Variants in SASH1 observed in about 807,000 individuals in gnomAD.
SASH1 encodes the protein SAM and SH3 domain-containing protein 1.
Under a neutral mutation model 125.2 loss-of-function variants are expected in SASH1, and 44 were observed. The ratio of observed to expected loss-of-function variants is 0.35; its 90% CI spans 0.28 to 0.45. SASH1 has a LOEUF of 0.45. SASH1 is among the 20% of genes least tolerant of loss of function. The probability of loss-of-function intolerance (pLI) is 1.00; values close to 1 mark genes in which losing one functional copy is unlikely to be tolerated. For synonymous variants in SASH1, 639 were observed against 649.1 expected, an observed-to-expected ratio of 0.98 and a Z score of 0.24; for missense variants, 1,426 against 1,614.5, an observed-to-expected ratio of 0.88 and a Z score of 2.00.
intron 1 of SASH1, among the ~76,000 whole-genome samples, chr6:148,357,466 T>G (rs1457149175): frequency 2.6e-5 from 4 of 152,050 alleles, no homozygotes; most frequent in Non-Finnish European, 5.9e-5. Flanking sequence ...TTGAGCAGAG[T>G]TTGATGGTAA....
chr6:148,360,963 G>A (rs1782177997), intron 1 of SASH1, among the ~76,000 whole-genome samples: 1 of 152,292 alleles, frequency 6.6e-6, no homozygotes, highest in Non-Finnish European at 1.5e-5. Context: ...TCATTAGGGT[G>A]GGCCCTAGTC....
the SASH1 span, among the ~76,000 whole-genome samples, chr6:148,196,413 T>C: frequency 6.6e-6 from 1 of 152,166 alleles, no homozygotes; most frequent in Non-Finnish European, 1.5e-5. Context: ...GCACGAACCA[T>C]ATATGAAAGT....
intron 4 of SASH1, among the ~76,000 whole-genome samples, chr6:148,464,287 G>T (rs12664363): frequency 0.13 from 19,794 of 152,152 alleles, 1,386 homozygotes; most frequent in East Asian, 0.19. Context: ...ATTTGCTAAG[G>T]TTCAGTTCTG....
chr6:148,492,835 A>ATAAATAG (rs1779163583), intron 8 of SASH1, among the ~76,000 whole-genome samples: 1 of 87,614 alleles, frequency 1.1e-5, no homozygotes. Context: ...AATATAAATA[A>ATAAATAG]ATAAATAAAT....
At chr6:148,370,188 C>T (rs1415108568) in intron 1 of SASH1, among the ~76,000 whole-genome samples, 1 of 152,132 alleles carries the variant, frequency 6.6e-6, no homozygotes, top group Admixed American at 6.6e-5. Context: ...TATTCTGTGG[C>T]CTTTTAAGTC....
At chr6:148,328,862 T>G (rs764935302) in intron 1 of SASH1, among the ~76,000 whole-genome samples, 6 of 152,246 alleles carry the variant, frequency 3.9e-5, no homozygotes, top group Non-Finnish European at 8.8e-5. Flanking sequence ...TTTTGATCAC[T>G]AAAAAGTAGC....
chr6:148,272,771 G>A (rs1319031557), intron 1 of SASH1, among the ~76,000 whole-genome samples: 1 of 152,162 alleles, frequency 6.6e-6, no homozygotes, highest in African/African-American at 2.4e-5. Flanking sequence ...CGCTAAGAAT[G>A]AAGGATGTAA....
chr6:148,366,196 A>T (rs1782450572), intron 1 of SASH1, among the ~76,000 whole-genome samples: 1 of 152,078 alleles, frequency 6.6e-6, no homozygotes, highest in South Asian at 2.1e-4. Context: ...AGGTGGGAAG[A>T]TTGCTTGAGC....
At chr6:148,279,714 G>C (rs1779283256) in intron 1 of SASH1, among the ~76,000 whole-genome samples, 1 of 152,108 alleles carries the variant, frequency 6.6e-6, no homozygotes, top group Admixed American at 6.5e-5. Context: ...AATATTGATT[G>C]TCAGGAGTGG....
intron 2 of SASH1, among the ~76,000 whole-genome samples, chr6:148,402,654 G>T (rs568132182): frequency 1.0e-3 from 152 of 145,396 alleles, no homozygotes; most frequent in African/African-American, 3.9e-3. Context: ...TCGCTCGGTC[G>T]CCCAGGCTGG....
chr6:148,211,562 C>T, the SASH1 span, among the ~76,000 whole-genome samples: 11 of 148,192 alleles, frequency 7.4e-5, no homozygotes, highest in South Asian at 2.1e-4. Context: ...TACAGCAAGA[C>T]GCCATCTCAA....
chr6:148,257,942 G>A, the SASH1 span, among the ~76,000 whole-genome samples: 1 of 152,068 alleles, frequency 6.6e-6, no homozygotes, highest in African/African-American at 2.4e-5. Context: ...CTTTACTTTT[G>A]GATCTGTTCC....
rs1782712785 is a variant in SASH1 at position 148,548,633 on chromosome 6, T to C, written c.*75T>C. ...ATATGATGCTGATGCAATTCCTCCA[T>C]CATCTCTGGACGTGCAGACCAGATC... On this transcript the variant is annotated 3_prime_UTR_variant, in exon 20 of 20. Transcript: ENST00000367467. 4 of 1,483,134 alleles carry C rather than the reference T, an allele frequency of 2.7e-6. No individual in the cohort carries two copies. The highest frequency in any genetic ancestry group is 2.2e-5 in the Admixed American group (1 of 44,786). The allele number at this position is 1,483,134 out of a possible 1,614,324, so 91.9% of individuals were successfully genotyped here.
intron 4 of SASH1, among the ~76,000 whole-genome samples, chr6:148,444,992 T>C (rs1018203589): frequency 1.1e-4 from 17 of 152,162 alleles, no homozygotes; most frequent in African/African-American, 4.1e-4. Context: ...TTAGACCACA[T>C]AGGGTAACTT....
intron 7 of SASH1, among the ~76,000 whole-genome samples, chr6:148,484,487 A>G (rs2115187412): frequency 6.6e-6 from 1 of 152,286 alleles, no homozygotes; most frequent in East Asian, 1.9e-4. Flanking sequence ...TTCTCGAACC[A>G]AAGTGGAATA....
intron 4 of SASH1, among the ~76,000 whole-genome samples, chr6:148,454,590 A>G (rs2115053857): frequency 6.6e-6 from 1 of 152,268 alleles, no homozygotes; most frequent in South Asian, 2.1e-4. Context: ...GGAGCACAGC[A>G]TCTTGGGGGA....
chr6:148,415,807 G>A (rs1001706171), intron 2 of SASH1, among the ~76,000 whole-genome samples: 4 of 152,204 alleles, frequency 2.6e-5, no homozygotes, highest in African/African-American at 4.8e-5. Flanking sequence ...GAAACTACCC[G>A]CAAACCTCTT....
chr6:148,543,027 A>G (rs1247634027), intron 17 of SASH1, among the ~76,000 whole-genome samples: 1 of 152,242 alleles, frequency 6.6e-6, no homozygotes, highest in Non-Finnish European at 1.5e-5. Flanking sequence ...TCTGGTTGAT[A>G]GTTCAGTTAT....
intron 5 of SASH1, among the ~76,000 whole-genome samples, chr6:148,471,203 C>T (rs1016716883): frequency 5.9e-5 from 9 of 151,814 alleles, no homozygotes; most frequent in South Asian, 2.1e-4. Context: ...CTCACTGCAC[C>T]GTTTCTTGCT....
Sources: allele counts gnomAD v4.1 joint callset (sites outside exome capture counted in the v4.1 genomes callset), GRCh38; gene constraint gnomAD v4.1.1; transcripts MANE v1.5; gene names NCBI Gene and HGNC (gene_info 2026-07-23, HGNC 2026-07-21).